The following RALGPS1 variants were observed in gnomAD, a reference collection of about 807,000 sequenced individuals.
RALGPS1 encodes the protein Ral GEF with PH domain and SH3 binding motif 1.
Under a neutral mutation model 78.8 loss-of-function variants are expected in RALGPS1, and 19 were observed. That is an observed-to-expected ratio of 0.24 (90% confidence interval 0.17 to 0.35). RALGPS1 has a LOEUF of 0.35. Among genes scored for constraint, RALGPS1 ranks in the 10% least tolerant of loss-of-function variants. RALGPS1 has a pLI of 1.00. For synonymous variants in RALGPS1, 228 were observed against 256.3 expected (o/e 0.89, Z 1.06); for missense variants, 454 against 688.3 (o/e 0.66, Z 3.81).
intron 4 of RALGPS1, among the ~76,000 whole-genome samples, chr9:126,992,315 T>C (rs1389013141): frequency 6.6e-6 from 1 of 152,246 alleles, no homozygotes; most frequent in Non-Finnish European, 1.5e-5. Context: ...AACAATTTGA[T>C]ATGTATGTAT....
intron 4 of RALGPS1, among the ~76,000 whole-genome samples, chr9:126,992,191 A>G (rs909460940): frequency 6.6e-6 from 1 of 152,242 alleles, no homozygotes; most frequent in African/African-American, 2.4e-5. Context: ...TGTATCAGTA[A>G]AATGGAAATT....
chr9:127,000,197 A>G (rs1157773663), intron 4 of RALGPS1, among the ~76,000 whole-genome samples: 1 of 151,894 alleles, frequency 6.6e-6, no homozygotes, highest in East Asian at 1.9e-4. Context: ...CTGTTTTCTG[A>G]TCCATTGATT....
At chr9:127,052,772 T>A in intron 6 of RALGPS1, 75 bp from the exon 7 acceptor site, 1 of 900,270 alleles carries the variant, frequency 1.1e-6, no homozygotes. Context: ...AAATATGACA[T>A]TTGGTAACAC....
At chr9:126,954,674 C>T (rs879533800) in intron 1 of RALGPS1, among the ~76,000 whole-genome samples, 4 of 152,108 alleles carry the variant, frequency 2.6e-5, no homozygotes, top group Admixed American at 6.5e-5. Context: ...ATAATCCCAG[C>T]GCCTGTAATC....
intron 8 of RALGPS1, among the ~76,000 whole-genome samples, chr9:127,120,537 T>A (rs2055939963): frequency 6.6e-6 from 1 of 152,178 alleles, no homozygotes. Flanking sequence ...AGAATTTGGG[T>A]CTCTGGCCGG....
At chr9:126,965,070 A>G (rs1251953974) in intron 2 of RALGPS1, among the ~76,000 whole-genome samples, 2 of 152,324 alleles carry the variant, frequency 1.3e-5, no homozygotes, top group Non-Finnish European at 2.9e-5. Flanking sequence ...TGGGATCCCC[A>G]CAGTGTTGAG....
chr9:127,174,883 C>CA, intron 11 of RALGPS1, 101 bp downstream of exon 11: 1 of 1,007,150 alleles, frequency 9.9e-7, no homozygotes, highest in South Asian at 1.3e-5. Context: ...ATCAAGTTTG[C>CA]AGCTTAGCAG....
intron 3 of RALGPS1, among the ~76,000 whole-genome samples, chr9:126,973,452 A>G (rs1487128828): frequency 1.3e-5 from 2 of 152,176 alleles, no homozygotes; most frequent in African/African-American, 2.4e-5. Flanking sequence ...CCTGTGATGT[A>G]TAGGTGTATA....
At position 126,979,575 on chromosome 9, in the gene RALGPS1, C is replaced by T. The variant is rs142632995; in HGVS notation, c.216+1830C>T. Reference sequence around the variant, plus strand: ...ACATCAAGGAGGGCAGCCCACCTGCCGTGAGCCCTGAACCTGCATGTGCCC... The same window carrying T: ...ACATCAAGGAGGGCAGCCCACCTGCTGTGAGCCCTGAACCTGCATGTGCCC... On this transcript the variant is annotated intron_variant, in intron 4 of 18. Transcript: ENST00000259351. Among the ~76,000 whole-genome samples, 317 of 152,278 alleles carry T rather than the reference C, an allele frequency of 2.1e-3. 1 individual carries two copies. Among genetic ancestry groups the T allele is most frequent in the African/African-American group, 7.2e-3 (300 of 41,550 alleles).
intron 8 of RALGPS1, among the ~76,000 whole-genome samples, chr9:127,147,680 A>G (rs4836557): frequency 1.0e-3 from 157 of 152,234 alleles, no homozygotes; most frequent in Admixed American, 1.8e-3. Flanking sequence ...TGAAGATCAG[A>G]TGGTTGTAGG....
Position 126,989,340 on chromosome 9 carries a change from G to A in RALGPS1, c.216+11595G>A, listed in dbSNP as rs908658711. 2.8e-4 allele frequency among the ~76,000 whole-genome samples: 43 copies of A among 152,124 alleles called. 1 individual carries two copies. The highest frequency in any genetic ancestry group is 1.2e-4 in the Non-Finnish European group (8 of 68,034). ...GAAGTTTAGTGAAGTGTGTAGAGAT[G>A]ACAACAGGAGAATGGGAGGAGGGGA... On this transcript the variant is annotated intron_variant, in intron 4 of 18. Coordinates refer to ENST00000259351, the MANE Select transcript of RALGPS1 (RefSeq NM_014636.3).
At chr9:127,120,542 G>A (rs540379293) in intron 8 of RALGPS1, among the ~76,000 whole-genome samples, 1 of 152,334 alleles carries the variant, frequency 6.6e-6, no homozygotes, top group South Asian at 2.1e-4. Flanking sequence ...TTGGGTCTCT[G>A]GCCGGGTGCA....
chr9:127,169,949 A>T (rs961348737), intron 10 of RALGPS1, among the ~76,000 whole-genome samples: 3 of 152,174 alleles, frequency 2.0e-5, no homozygotes, highest in African/African-American at 7.2e-5. Flanking sequence ...TCAACTTATG[A>T]TGGGTTTATT....
chr9:126,988,284 AG>A (rs1279928989), intron 4 of RALGPS1, among the ~76,000 whole-genome samples: 1 of 152,212 alleles, frequency 6.6e-6, no homozygotes, highest in Non-Finnish European at 1.5e-5. Context: ...CAAGAGAGCC[AG>A]GTTGGGCCAG....
Position 127,212,143 on chromosome 9 carries a change from G to A in RALGPS1, c.1260G>A (p.Pro420=), listed in dbSNP as rs199817962. 8.6e-5 allele frequency: 139 copies of A among 1,612,946 alleles called. No individual in the cohort carries two copies. The highest frequency in any genetic ancestry group is 1.1e-4 in the Non-Finnish European group (129 of 1,179,572). Residue 420 remains proline (P), a synonymous_variant, in exon 15 of 19, where the codon CCG becomes CCA. Transcript: ENST00000259351. This position sits in a 1 kb window ranked among gnomAD's most constrained non-coding sequence, Gnocchi z 6.0. Reference sequence around the variant, plus strand: ...AGTCTCTCCTCAGCCCCACCGGCCCGTGCATCTGTTCTCTGGGGAACTCCG... The same window carrying A: ...AGTCTCTCCTCAGCCCCACCGGCCCATGCATCTGTTCTCTGGGGAACTCCG... The part of the protein sequence containing the change: ...MSSGLESPTG[P]CICSLGNSAA...
Position 126,933,817 on chromosome 9 carries a change from A to AG in RALGPS1, c.-66+18849dup, listed in dbSNP as rs993576594. Reference sequence around the variant, plus strand: ...GTGCACAATGCTTGCGTGTGCCTGCAGGGGGGGTGTGCCACACCCACCCTC... The same window carrying AG: ...GTGCACAATGCTTGCGTGTGCCTGCAGGGGGGGGTGTGCCACACCCACCCTC... On this transcript the variant is annotated intron_variant, in intron 1 of 18. Coordinates refer to ENST00000259351, the MANE Select transcript of RALGPS1 (RefSeq NM_014636.3). 6.6e-5 allele frequency among the ~76,000 whole-genome samples: 10 copies of AG among 152,022 alleles called. 1 individual carries two copies. The highest frequency in any genetic ancestry group is 2.4e-5 in the African/African-American group (1 of 41,392).
intron 4 of RALGPS1, among the ~76,000 whole-genome samples, chr9:126,979,570 C>A (rs1427276760): frequency 6.6e-6 from 1 of 152,146 alleles, no homozygotes; most frequent in African/African-American, 2.4e-5. Context: ...GGGCAGCCCA[C>A]CTGCCGTGAG....
chr9:127,145,152 C>T (rs2058025559), intron 8 of RALGPS1, among the ~76,000 whole-genome samples: 1 of 152,146 alleles, frequency 6.6e-6, no homozygotes, highest in Admixed American at 6.5e-5. Context: ...TTGTTGAAAT[C>T]CACTTTGCTG....
intron 8 of RALGPS1, among the ~76,000 whole-genome samples, chr9:127,077,392 A>G (rs539730688): frequency 2.0e-5 from 3 of 152,206 alleles, no homozygotes; most frequent in South Asian, 2.1e-4. Context: ...GAAGACACAT[A>G]GCATGTCCTT....
Sources: gnomAD v4.1 joint callset for allele counts (sites outside exome capture counted in the v4.1 genomes callset) on GRCh38, gnomAD v4.1.1 for gene constraint, Gnocchi (gnomAD v3.1) non-coding constraint, MANE v1.5 for transcripts, NCBI Gene and HGNC (gene_info 2026-07-23, HGNC 2026-07-21) for gene names.